Variants in MEF2C observed in about 807,000 individuals in gnomAD.
MEF2C encodes myocyte-specific enhancer factor 2C.
MEF2C carries 6 observed loss-of-function variants against 50.5 expected under a neutral mutation model. That is an observed-to-expected ratio of 0.12 (90% CI 0.07 to 0.23). MEF2C has a LOEUF of 0.23. Among genes scored for constraint, MEF2C ranks in the 10% least tolerant of loss-of-function variants. The pLI, the probability that MEF2C is intolerant of heterozygous loss-of-function variation, is 1.00. For missense variants in MEF2C, 276 were observed against 605.0 expected, an observed-to-expected ratio of 0.46 and a Z score of 5.70; for synonymous variants, 183 against 228.0, an observed-to-expected ratio of 0.80 and a Z score of 1.78.
chr5:88,773,110 G>A (rs978392909), intron 3 of MEF2C, among the ~76,000 whole-genome samples: 6 of 152,244 alleles, frequency 3.9e-5, no homozygotes, highest in Non-Finnish European at 8.8e-5. Flanking sequence ...GTGTTAGAAC[G>A]AAGTTCTATG....
chr5:88,856,712 C>A (rs76714486), intron 1 of MEF2C, among the ~76,000 whole-genome samples: 2 of 152,176 alleles, frequency 1.3e-5, no homozygotes, highest in Non-Finnish European at 2.9e-5. Context: ...CCAAGCCTGG[C>A]GGCTTACACG....
intron 2 of MEF2C, among the ~76,000 whole-genome samples, chr5:88,815,972 A>G (rs1805148298): frequency 6.6e-6 from 1 of 152,048 alleles, no homozygotes; most frequent in Admixed American, 6.6e-5. Flanking sequence ...CCCAGAGGTG[A>G]AAGGGGCCAT....
At chr5:88,725,352 T>C (rs1188864311) in intron 10 of MEF2C, among the ~76,000 whole-genome samples, 1 of 152,148 alleles carries the variant, frequency 6.6e-6, no homozygotes, top group East Asian at 1.9e-4. Flanking sequence ...AGATTCAGCT[T>C]CATTATACTG....
intron 3 of MEF2C, among the ~76,000 whole-genome samples, chr5:88,791,911 C>A (rs1309954825): frequency 6.6e-6 from 1 of 151,842 alleles, no homozygotes; most frequent in Non-Finnish European, 1.5e-5. Context: ...AGGTTTAAAT[C>A]TTTATGGAAA....
intron 3 of MEF2C, among the ~76,000 whole-genome samples, chr5:88,799,022 C>G (rs1797170149): frequency 6.6e-6 from 1 of 152,196 alleles, no homozygotes; most frequent in African/African-American, 2.4e-5. Flanking sequence ...GAAGCTTCGT[C>G]CCAGAGTGGC....
At chr5:88,773,482 A>G (rs1237007209) in intron 3 of MEF2C, among the ~76,000 whole-genome samples, 1 of 152,214 alleles carries the variant, frequency 6.6e-6, no homozygotes, top group Non-Finnish European at 1.5e-5. Context: ...GAACTATATA[A>G]TGAACAGTTA....
intron 3 of MEF2C, chr5:88,772,926 T>C (rs896833197): frequency 1.0e-6 from 1 of 985,236 alleles, no homozygotes; most frequent in African/African-American, 1.7e-5. Flanking sequence ...GAGCTTGTGA[T>C]ATGCCATCCC....
At chr5:88,759,029 T>C (rs905752604) in intron 4 of MEF2C, among the ~76,000 whole-genome samples, 6 of 152,268 alleles carry the variant, frequency 3.9e-5, no homozygotes, top group African/African-American at 1.4e-4. Flanking sequence ...TCAGCAGTAC[T>C]GCATACATCT....
At chr5:88,831,142 C>A (rs1812848127) in intron 1 of MEF2C, among the ~76,000 whole-genome samples, 1 of 152,056 alleles carries the variant, frequency 6.6e-6, no homozygotes, top group Non-Finnish European at 1.5e-5. Context: ...TGGAAATACT[C>A]TAAAAATATT....
chr5:88,893,521 C>A (rs916784080), intron 1 of MEF2C, among the ~76,000 whole-genome samples: 4 of 151,562 alleles, frequency 2.6e-5, no homozygotes, highest in Admixed American at 6.6e-5. Flanking sequence ...CTGTACCAAG[C>A]CATTTCTAGG....
At chr5:88,731,170 T>G (rs1241020601) in intron 7 of MEF2C, among the ~76,000 whole-genome samples, 1 of 152,202 alleles carries the variant, frequency 6.6e-6, no homozygotes, top group East Asian at 1.9e-4. Context: ...TTTTGAGAGA[T>G]AGCTATTTTC....
intron 4 of MEF2C, among the ~76,000 whole-genome samples, chr5:88,759,034 A>G (rs1429511180): frequency 6.6e-6 from 1 of 152,238 alleles, no homozygotes; most frequent in East Asian, 1.9e-4. Context: ...AGTACTGCAT[A>G]CATCTGTCTT....
intron 1 of MEF2C, among the ~76,000 whole-genome samples, chr5:88,829,425 T>G (rs1401180645): frequency 6.6e-6 from 1 of 151,944 alleles, no homozygotes; most frequent in Non-Finnish European, 1.5e-5. Flanking sequence ...TGTTTGCTTG[T>G]CTTCCTCAAC....
chr5:88,827,562 T>C (rs1811403919), intron 1 of MEF2C, among the ~76,000 whole-genome samples: 1 of 151,954 alleles, frequency 6.6e-6, no homozygotes, highest in African/African-American at 2.4e-5. Flanking sequence ...ACCGGGAGCG[T>C]GATTTTTAAT....
Position 88,815,325 on chromosome 5 carries a change from C to T in MEF2C, c.54+8410G>A, listed in dbSNP as rs902574578. Among the ~76,000 whole-genome samples, 30 of 152,030 alleles carry T rather than the reference C, an allele frequency of 2.0e-4. 1 individual carries two copies. Among genetic ancestry groups the T allele is most frequent in the African/African-American group, 7.2e-4 (30 of 41,434 alleles). Reference sequence around the variant, plus strand: ...TTCCACAATAGCCTAGGTTTTACCTCCTAACTCCAATATTTTCTCCCCCAG... The same window carrying T: ...TTCCACAATAGCCTAGGTTTTACCTTCTAACTCCAATATTTTCTCCCCCAG... On this transcript the variant is annotated intron_variant, in intron 2 of 10. Coordinates refer to ENST00000504921, the MANE Select transcript of MEF2C (RefSeq NM_002397.5).
intron 3 of MEF2C, chr5:88,761,616 G>C (rs779986521): frequency 6.6e-6 from 2 of 305,082 alleles, no homozygotes; most frequent in African/African-American, 2.2e-5. Context: ...CAAATATCTA[G>C]TGAGAGACAA....
chr5:88,780,818 GA>G (rs1444458832), intron 3 of MEF2C: 2 of 985,254 alleles, frequency 2.0e-6, no homozygotes, highest in East Asian at 2.3e-4. Context: ...CCATTGTCTT[GA>G]AATCTCAATC....
chr5:88,824,299 C>G (rs1341965109), intron 1 of MEF2C: 1 of 984,962 alleles, frequency 1.0e-6, no homozygotes, highest in Non-Finnish European at 1.2e-6. Flanking sequence ...AGTTAATGAA[C>G]CTTTATGTAC....
At chr5:88,787,750 A>T (rs1791672429) in intron 3 of MEF2C, among the ~76,000 whole-genome samples, 1 of 152,236 alleles carries the variant, frequency 6.6e-6, no homozygotes, top group African/African-American at 2.4e-5. Flanking sequence ...AAAATTCCGC[A>T]CATACTAATT....
Sources: gnomAD v4.1 joint callset for allele counts (sites outside exome capture counted in the v4.1 genomes callset) on GRCh38, gnomAD v4.1.1 for gene constraint, MANE v1.5 for transcripts, NCBI Gene and HGNC (gene_info 2026-07-23, HGNC 2026-07-21) for gene names.